Variants in VPS13B observed in about 807,000 individuals in gnomAD.
VPS13B encodes intermembrane lipid transfer protein VPS13B.
VPS13B carries 285 observed loss-of-function variants against 426.4 expected under a neutral mutation model. The observed-to-expected ratio is 0.67, with a 90% CI of 0.61 to 0.74. The LOEUF (loss-of-function observed/expected upper bound fraction) is 0.74. Among genes scored for constraint, VPS13B ranks in the 30% least tolerant of loss-of-function variants. VPS13B has a pLI of 0.00. For missense variants in VPS13B, 4,537 were observed against 4,782.6 expected (o/e 0.95, Z 1.51); for synonymous variants, 1,676 against 1,676.4 (o/e 1.00, Z 0.01).
intron 17 of VPS13B, among the ~76,000 whole-genome samples, chr8:99,261,052 T>C (rs1818013874): frequency 6.6e-6 from 1 of 151,940 alleles, no homozygotes; most frequent in Non-Finnish European, 1.5e-5. Context: ...ATGTATAGTC[T>C]CTCCCCTATT....
chr8:99,603,728 TC>T (rs1260321932), intron 33 of VPS13B, among the ~76,000 whole-genome samples: 1 of 152,210 alleles, frequency 6.6e-6, no homozygotes. Flanking sequence ...TCTGGAATTT[TC>T]CATTTAATAT....
chr8:99,460,754 T>C (rs183050075), intron 23 of VPS13B, among the ~76,000 whole-genome samples: 20 of 152,156 alleles, frequency 1.3e-4, no homozygotes. Context: ...TCTTCCTTGG[T>C]AGTGTTATCA....
At chr8:99,123,363 A>C (rs1340684309) in intron 8 of VPS13B, among the ~76,000 whole-genome samples, 1 of 152,112 alleles carries the variant, frequency 6.6e-6, no homozygotes, top group Non-Finnish European at 1.5e-5. Context: ...CAAGGAAGCC[A>C]GTGGGGCAGT....
intron 19 of VPS13B, among the ~76,000 whole-genome samples, chr8:99,332,749 A>G (rs549177365): frequency 3.3e-5 from 5 of 151,770 alleles, no homozygotes; most frequent in Admixed American, 2.6e-4. Context: ...TGAATTTCCC[A>G]TATGAATTCT....
intron 17 of VPS13B, among the ~76,000 whole-genome samples, chr8:99,237,201 CTT>C (rs1424397806): frequency 6.6e-6 from 1 of 152,194 alleles, no homozygotes; most frequent in Non-Finnish European, 1.5e-5. Flanking sequence ...TCGGGTATGT[CTT>C]TATCAGCAGT....
At chr8:99,356,775 T>C (rs777254452) in intron 19 of VPS13B, among the ~76,000 whole-genome samples, 5 of 152,210 alleles carry the variant, frequency 3.3e-5, no homozygotes, top group Non-Finnish European at 7.3e-5. Context: ...ATTAATTACT[T>C]TGGAGAATCT....
chr8:99,875,642 A>T lies in VPS13B; in HGVS notation c.11970A>T (p.Lys3990Asn). The part of the protein sequence containing the change: ...FLSKFTMVKN[K>N]ALRKGFP ...GTAAATTTACCATGGTGAAAAATAA[A>T]GCCCTGAGGAAAGGGTTTCCTTGAG... The change falls in exon 62 of 62, where the codon AAA becomes AAT. Residue 3990 changes from lysine to asparagine, a missense_variant. Coordinates refer to ENST00000357162, the MANE Select transcript of VPS13B (RefSeq NM_152564.5). 1 of 1,614,190 alleles carries T rather than the reference A, an allele frequency of 6.2e-7. No individual in the cohort carries two copies. The highest frequency in any genetic ancestry group is 8.5e-7 in the Non-Finnish European group (1 of 1,180,028).
At chr8:99,085,405 T>C (rs1335521814) in intron 3 of VPS13B, among the ~76,000 whole-genome samples, 1 of 152,242 alleles carries the variant, frequency 6.6e-6, no homozygotes, top group Non-Finnish European at 1.5e-5. Flanking sequence ...TGACTCTTTA[T>C]CCGATTTGCC....
At chr8:99,739,350 C>T (rs1043869170) in intron 39 of VPS13B, among the ~76,000 whole-genome samples, 3 of 152,208 alleles carry the variant, frequency 2.0e-5, no homozygotes, top group Non-Finnish European at 4.4e-5. Context: ...TGGAGCCCAC[C>T]GCAGCTCAAG....
At chr8:99,717,108 T>C (rs1012484590) in intron 36 of VPS13B, 63 bp from the exon 37 acceptor site, 39 of 1,469,184 alleles carry the variant, frequency 2.7e-5, no homozygotes, top group Non-Finnish European at 3.7e-5. Flanking sequence ...ATATAGATAG[T>C]TCTTTCCCAA....
intron 19 of VPS13B, among the ~76,000 whole-genome samples, chr8:99,353,835 A>G (rs562137340): frequency 2.4e-4 from 36 of 152,174 alleles, no homozygotes; most frequent in Admixed American, 1.2e-3. Flanking sequence ...AGCAGTAAAA[A>G]CTATTATGAA....
In VPS13B at chr8:99,134,742, T is replaced by C; in HGVS notation, c.1302+15T>C. 1 of 1,568,022 alleles carries C rather than the reference T, an allele frequency of 6.4e-7. No homozygotes were observed. The highest frequency in any genetic ancestry group is 8.8e-7 in the Non-Finnish European group (1 of 1,140,972). ...CTACAGTTGAGGTAATCTTTCAATATTGAACCTGTATTTTTAAATATTTTG... is the reference window on the plus strand; with the variant it reads ...CTACAGTTGAGGTAATCTTTCAATACTGAACCTGTATTTTTAAATATTTTG... On this transcript the variant is annotated intron_variant, in intron 9 of 61. Coordinates refer to ENST00000357162, the MANE Select transcript of VPS13B (RefSeq NM_152564.5).
chr8:99,726,742 G>A (rs1026841624), intron 39 of VPS13B, among the ~76,000 whole-genome samples: 1 of 152,194 alleles, frequency 6.6e-6, no homozygotes, highest in Non-Finnish European at 1.5e-5. Flanking sequence ...TTTTAGTAGA[G>A]ATGGGGCTTC....
At chr8:99,299,897 G>A (rs908626261) in intron 19 of VPS13B, among the ~76,000 whole-genome samples, 5 of 152,100 alleles carry the variant, frequency 3.3e-5, no homozygotes, top group African/African-American at 9.7e-5. Context: ...GTGACAGGGC[G>A]AAACTCCATC....
intron 3 of VPS13B, among the ~76,000 whole-genome samples, chr8:99,069,852 T>C (rs1844765035): frequency 6.6e-6 from 1 of 152,242 alleles, no homozygotes; most frequent in African/African-American, 2.4e-5. Context: ...TCTTGCTCCT[T>C]TTTCCATGAA....
intron 17 of VPS13B, among the ~76,000 whole-genome samples, chr8:99,270,131 C>CTTTTTTTTTTTTTGTTTTTTTTT (rs1818504972): frequency 3.3e-5 from 1 of 30,312 alleles, no homozygotes; most frequent in African/African-American, 1.1e-4. Flanking sequence ...ATATAAGAAT[C>CTTTTTTTTTTTTTGTTTTTTTTT]TTTTTTTTTT....
chr8:99,869,950 C>T (rs1817305245), intron 59 of VPS13B, among the ~76,000 whole-genome samples: 1 of 152,238 alleles, frequency 6.6e-6, no homozygotes, highest in African/African-American at 2.4e-5. Context: ...CTGCTGGGTG[C>T]CCTCATTTGG....
intron 19 of VPS13B, among the ~76,000 whole-genome samples, chr8:99,303,418 T>G (rs993714939): frequency 1.3e-5 from 2 of 151,904 alleles, no homozygotes; most frequent in Non-Finnish European, 2.9e-5. Context: ...AGCTATATTT[T>G]TTCTATAGTA....
chr8:99,697,867 C>A, intron 35 of VPS13B: 1 of 544,842 alleles, frequency 1.8e-6, no homozygotes, highest in South Asian at 1.6e-5. Context: ...ATGGCAAGGT[C>A]AACATCAATG....
Sources: allele counts gnomAD v4.1 joint callset (sites outside exome capture counted in the v4.1 genomes callset), GRCh38; gene constraint gnomAD v4.1.1; transcripts MANE v1.5; gene names NCBI Gene and HGNC (gene_info 2026-07-23, HGNC 2026-07-21).